FANK1: variants seen among roughly 807,000 people sequenced by gnomAD.
FANK1 encodes the protein fibronectin type 3 and ankyrin repeat domains protein 1.
In FANK1, 44 loss-of-function variants were observed where a neutral mutation model predicts 45.3. The observed-to-expected ratio is 0.97, with a 90% confidence interval of 0.76 to 1.25. The LOEUF is 1.25. Among genes scored for constraint, FANK1 ranks in the 50% most tolerant of loss-of-function variants. FANK1 has a pLI of 0.00. For synonymous variants in FANK1, 149 were observed against 152.5 expected, an observed-to-expected ratio of 0.98 and a Z score of 0.17; for missense variants, 391 against 424.4, an observed-to-expected ratio of 0.92 and a Z score of 0.69.
At chr10:125,951,782 T>C (rs1949250366) in intron 1 of FANK1, among the ~76,000 whole-genome samples, 1 of 152,164 alleles carries the variant, frequency 6.6e-6, no homozygotes, top group Non-Finnish European at 1.5e-5. Flanking sequence ...TACCTTCCGT[T>C]GAGTTTAAAT....
chr10:126,008,412 C>T lies in FANK1; in HGVS notation c.711C>T (p.Asp237=), dbSNP rs757145926. The change falls in exon 8 of 11, where the codon GAC becomes GAT. Residue 237 remains aspartate (D), a synonymous_variant. Transcript: ENST00000368693. Reference sequence around the variant, plus strand: ...CTGTTTCTCTGGCCCAACAGGTAGACGTCGTGGACACTGGTTCAGGATGGA... The same window carrying T: ...CTGTTTCTCTGGCCCAACAGGTAGATGTCGTGGACACTGGTTCAGGATGGA... ...EWMIKDGCEV[D]VVDTGSGWTP... 1.8e-5 allele frequency: 28 copies of T among 1,599,562 alleles called. No homozygotes were observed. In the East Asian group the frequency reaches 4.5e-4, roughly 26 times the overall value.
At chr10:125,925,417 A>AT (rs1165039360) in intron 1 of FANK1, among the ~76,000 whole-genome samples, 1 of 149,432 alleles carries the variant, frequency 6.7e-6, no homozygotes, top group Non-Finnish European at 1.5e-5. Context: ...GTATGTGTGT[A>AT]TTTTTTTCCC....
chr10:125,973,355 C>T, intron 1 of FANK1: 1 of 815,104 alleles, frequency 1.2e-6, no homozygotes, highest in Non-Finnish European at 1.5e-6. Flanking sequence ...GTCTACCATT[C>T]CTGGTGTTTG....
chr10:125,994,628 T>G (rs1299933424), intron 3 of FANK1: 1 of 985,294 alleles, frequency 1.0e-6, no homozygotes, highest in East Asian at 1.1e-4. Flanking sequence ...AGCTTAATTG[T>G]GATACTTTTT....
intron 1 of FANK1, among the ~76,000 whole-genome samples, chr10:125,921,139 T>C (rs1286367101): frequency 2.0e-5 from 3 of 152,296 alleles, no homozygotes; most frequent in Middle Eastern, 3.4e-3. Flanking sequence ...CGTGAACTTA[T>C]CTGCCCATGT....
rs181987544 is a variant in FANK1, at chr10:125,967,265, T to G, written c.14-12896T>G. Among the ~76,000 whole-genome samples the G allele has an allele frequency of 1.4e-3, 220 of 152,338 alleles. 1 individual carries two copies. The highest frequency in any genetic ancestry group is 0.011 in the Admixed American group (175 of 15,306). ...GGCACGCCGCTGGAGTTGGGCTCCC[T>G]GGGTTTGAATCCTGGCTCTGCTGCT... is the stretch of plus-strand genomic sequence containing the variant. On this transcript the variant is annotated intron_variant, in intron 1 of 10. Coordinates refer to ENST00000368693, the MANE Select transcript of FANK1 (RefSeq NM_145235.5).
At chr10:125,971,661 G>A (rs1034658889) in intron 1 of FANK1, among the ~76,000 whole-genome samples, 4 of 151,912 alleles carry the variant, frequency 2.6e-5, no homozygotes, top group East Asian at 3.9e-4. Flanking sequence ...TCGCTCCGTC[G>A]CCCAGGCTGG....
intron 1 of FANK1, among the ~76,000 whole-genome samples, chr10:125,926,231 A>G (rs771324780): frequency 5.9e-5 from 9 of 152,168 alleles, no homozygotes; most frequent in Non-Finnish European, 1.2e-4. Context: ...TAGAAATCCC[A>G]TATAGTCTTC....
intron 1 of FANK1, among the ~76,000 whole-genome samples, chr10:125,977,517 C>T (rs1230429025): frequency 6.6e-6 from 1 of 152,164 alleles, no homozygotes; most frequent in Non-Finnish European, 1.5e-5. Context: ...TGTTCCTCTC[C>T]CACTTGAGTG....
At chr10:125,940,196 G>A (rs1027556294) in intron 1 of FANK1, among the ~76,000 whole-genome samples, 10 of 152,116 alleles carry the variant, frequency 6.6e-5, no homozygotes, top group African/African-American at 2.4e-4. Context: ...GTGGGCCCAG[G>A]AGACCGGTGC....
At chr10:125,985,660 C>G (rs7101185) in intron 2 of FANK1, among the ~76,000 whole-genome samples, 3,300 of 152,264 alleles carry the variant, frequency 0.022, 116 homozygotes, top group African/African-American at 0.075. Context: ...GCATGACAAA[C>G]CAGCCCCAGA....
At chr10:125,982,624 T>C (rs1045611071) in intron 2 of FANK1, among the ~76,000 whole-genome samples, 11 of 152,252 alleles carry the variant, frequency 7.2e-5, no homozygotes, top group Admixed American at 2.6e-4. Flanking sequence ...GAATACCTGA[T>C]GTTTGGATTG....
At chr10:125,897,121 C>T (rs1164400747) in intron 1 of FANK1, among the ~76,000 whole-genome samples, 1 of 147,116 alleles carries the variant, frequency 6.8e-6, no homozygotes, top group African/African-American at 2.5e-5. Context: ...ACTCCCCGCC[C>T]CCCGCCCCAC....
At chr10:125,994,688 A>G (rs908524046) in intron 3 of FANK1, 1 of 985,442 alleles carries the variant, frequency 1.0e-6, no homozygotes, top group Non-Finnish European at 1.2e-6. Context: ...AAACGCCTAG[A>G]AAGATGGGTG....
chr10:125,946,295 C>T (rs1424067014), intron 1 of FANK1, among the ~76,000 whole-genome samples: 13 of 149,620 alleles, frequency 8.7e-5, no homozygotes, highest in African/African-American at 2.4e-4. Context: ...AGGCTTCAGA[C>T]GATCAAATTA....
intron 6 of FANK1, among the ~76,000 whole-genome samples, chr10:126,003,365 T>C (rs2138284): frequency 0.59 from 89,469 of 151,726 alleles, 27,673 homozygotes; most frequent in Non-Finnish European, 0.68. Context: ...GAGTTTGAAA[T>C]CAGCGTGGGC....
intron 1 of FANK1, among the ~76,000 whole-genome samples, chr10:125,955,831 AT>A (rs5788753): frequency 0.013 from 1,984 of 152,316 alleles, 42 homozygotes; most frequent in African/African-American, 0.045. Context: ...ATCTCAAGTG[AT>A]TATTCAGCTC....
intron 1 of FANK1, among the ~76,000 whole-genome samples, chr10:125,962,524 CCTTTGTTTTGT>C (rs1405406161): frequency 6.6e-6 from 1 of 151,976 alleles, no homozygotes; most frequent in African/African-American, 2.4e-5. Flanking sequence ...TTTTCTGTCT[CCTTTGTTTTGT>C]CAGTTTTTAA....
chr10:125,924,999 A>T (rs73368615), intron 1 of FANK1, among the ~76,000 whole-genome samples: 371 of 136,240 alleles, frequency 2.7e-3, no homozygotes, highest in Admixed American at 0.01. Flanking sequence ...CCACTTTCTT[A>T]GAAATTTGTT....
Sources: gnomAD v4.1 joint callset for allele counts (sites outside exome capture counted in the v4.1 genomes callset) on GRCh38, gnomAD v4.1.1 for gene constraint, MANE v1.5 for transcripts, NCBI Gene and HGNC (gene_info 2026-07-23, HGNC 2026-07-21) for gene names.